Variants in TECPR2 observed in about 807,000 individuals in gnomAD.
TECPR2 encodes the protein tectonin beta-propeller repeat containing 2.
Under a neutral mutation model 138.1 loss-of-function variants are expected in TECPR2, and 65 were observed. That is an observed-to-expected ratio of 0.47 (90% CI 0.39 to 0.58). TECPR2 has a LOEUF of 0.58. Among genes scored for constraint, TECPR2 ranks in the 20% least tolerant of loss-of-function variants. The pLI is 0.00. For synonymous variants in TECPR2, 746 were observed against 749.8 expected, an observed-to-expected ratio of 0.99 and a Z score of 0.08; for missense variants, 1,553 against 1,824.5, an observed-to-expected ratio of 0.85 and a Z score of 2.71.
At chr14:102,388,065 T>C (rs1888062137) in intron 2 of TECPR2, among the ~76,000 whole-genome samples, 2 of 152,212 alleles carry the variant, frequency 1.3e-5, no homozygotes, top group East Asian at 1.9e-4. Context: ...TTTAAAGAGG[T>C]GCAGAAAGGA....
chr14:102,397,259 A>G (rs1031147528), intron 2 of TECPR2, among the ~76,000 whole-genome samples: 4 of 152,158 alleles, frequency 2.6e-5, no homozygotes, highest in African/African-American at 9.7e-5. Flanking sequence ...AAAGGGGAGG[A>G]TCTGATTTTC....
At chr14:102,396,446 G>A (rs1888318004) in intron 2 of TECPR2, among the ~76,000 whole-genome samples, 1 of 152,070 alleles carries the variant, frequency 6.6e-6, no homozygotes, top group Non-Finnish European at 1.5e-5. Flanking sequence ...TGATTGATCA[G>A]CATTTTCGTC....
Position 102,434,711 on chromosome 14 carries a change from C to T in TECPR2, c.1894C>T (p.Pro632Ser), listed in dbSNP as rs1364522385. 6.2e-7 allele frequency: 1 copy of T among 1,613,716 alleles called. No individual in the cohort carries two copies. The highest frequency in any genetic ancestry group is 8.5e-7 in the Non-Finnish European group (1 of 1,179,962). The change falls in exon 9 of 20, where the codon CCC (proline) becomes TCC (serine). Residue 632 changes from proline to serine, a missense_variant. Pro to Ser is a moderately conservative substitution (Grantham distance 74). Transcript: ENST00000359520. The part of the protein sequence containing the change: ...PGAHDGEDIQ[P>S]IGPQSTFCEV... The stretch of plus-strand genomic sequence containing the variant: ...GGCGCATGATGGGGAAGACATCCAA[C>T]CCATTGGCCCCCAAAGCACTTTTTG...
At chr14:102,431,383 C>T (rs1466552690) in intron 7 of TECPR2, among the ~76,000 whole-genome samples, 6 of 121,452 alleles carry the variant, frequency 4.9e-5, no homozygotes, top group African/African-American at 1.6e-4. Flanking sequence ...CACTGTGTTG[C>T]CCAGGCTGGA....
At chr14:102,432,525 C>T (rs1013602597) in intron 8 of TECPR2, among the ~76,000 whole-genome samples, 1 of 152,088 alleles carries the variant, frequency 6.6e-6, no homozygotes, top group African/African-American at 2.4e-5. Flanking sequence ...TCAAGCAATT[C>T]TCCTGCCTCA....
At chr14:102,465,389 C>T in intron 17 of TECPR2, 100 bp downstream of exon 17, 1 of 1,498,576 alleles carries the variant, frequency 6.7e-7, no homozygotes, top group Non-Finnish European at 8.9e-7. Flanking sequence ...CTAGAGGCCT[C>T]CCAGCAAATG....
chr14:102,440,238 T>C (rs1285909685), intron 10 of TECPR2, among the ~76,000 whole-genome samples, 198 bp from the exon 11 acceptor site: 1 of 152,128 alleles, frequency 6.6e-6, no homozygotes, highest in Non-Finnish European at 1.5e-5. Flanking sequence ...GGCGGTGACA[T>C]GGAGCCTGAA....
At chr14:102,484,511 C>G (rs1428020338) in intron 17 of TECPR2, among the ~76,000 whole-genome samples, 1 of 152,194 alleles carries the variant, frequency 6.6e-6, no homozygotes, top group African/African-American at 2.4e-5. Flanking sequence ...CCGCGGGTCT[C>G]TGACAGCAAT....
At chr14:102,399,855 AAAG>A (rs1196619699) in intron 2 of TECPR2, among the ~76,000 whole-genome samples, 1 of 151,900 alleles carries the variant, frequency 6.6e-6, no homozygotes, top group Admixed American at 6.6e-5. Flanking sequence ...GAAAAAAAAA[AAAG>A]AAAAAGAAAT....
In TECPR2 at chr14:102,414,638, G is replaced by GACTTT; in HGVS notation, c.483_484insACTTT (p.Leu162ThrfsTer44). The GACTTT allele has an allele frequency of 6.2e-7, 1 of 1,614,116 alleles. No homozygotes were observed. Among genetic ancestry groups the GACTTT allele is most frequent in the Non-Finnish European group, 8.5e-7 (1 of 1,180,004 alleles). On this transcript the variant is annotated frameshift_variant, in exon 5 of 20. Transcript: ENST00000359520. LOFTEE classifies it high-confidence loss of function. The stretch of plus-strand genomic sequence containing the variant: ...TGTAACCAGACTTTCTCTGCCAGGG[G>GACTTT]CTCTGTAACTCCCAGCTGGTGTTGG...
chr14:102,373,171 A>T (rs1168702374), intron 1 of TECPR2, among the ~76,000 whole-genome samples: 2 of 151,990 alleles, frequency 1.3e-5, no homozygotes, highest in Non-Finnish European at 2.9e-5. Flanking sequence ...AGTAACTATG[A>T]TGCCTACTTC....
rs1201434220 is a variant in TECPR2 at position 102,419,053 on chromosome 14, C to T, written c.638+4260C>T. ...GGTGGCGGGTGTACCTCTCGGGGAG[C>T]TGTGCGCTGGCAGCCACTGGCATGC... is the stretch of plus-strand genomic sequence containing the variant. On this transcript the variant is annotated intron_variant, in intron 5 of 19. Transcript: ENST00000359520. The surrounding 1 kb of genome is among the most constrained non-coding windows in gnomAD (Gnocchi z 4.8). Among the ~76,000 whole-genome samples the T allele has an allele frequency of 1.3e-5, 2 of 152,086 alleles. No homozygotes were observed. Among genetic ancestry groups the T allele is most frequent in the African/African-American group, 4.8e-5 (2 of 41,402 alleles).
At chr14:102,481,250 C>T (rs976164719) in intron 17 of TECPR2, among the ~76,000 whole-genome samples, 11 of 151,076 alleles carry the variant, frequency 7.3e-5, no homozygotes, top group South Asian at 2.1e-4. Flanking sequence ...GTGATCTGCC[C>T]GCCTCGGCCT....
intron 17 of TECPR2, among the ~76,000 whole-genome samples, chr14:102,474,513 A>G (rs1890714968): frequency 2.0e-5 from 3 of 152,080 alleles, no homozygotes; most frequent in Non-Finnish European, 2.9e-5. Flanking sequence ...AATCCCAGCT[A>G]CTCAGGAGGC....
intron 5 of TECPR2, among the ~76,000 whole-genome samples, chr14:102,424,428 A>G (rs1889260961): frequency 6.6e-6 from 1 of 152,136 alleles, no homozygotes; most frequent in Non-Finnish European, 1.5e-5. Flanking sequence ...TCTGCCTCCC[A>G]GGTTCAAGCG....
At chr14:102,496,868 C>T in intron 17 of TECPR2, 111 bp from the exon 18 acceptor site, 1 of 1,508,226 alleles carries the variant, frequency 6.6e-7, no homozygotes, top group Non-Finnish European at 8.9e-7. Flanking sequence ...CTGCGGGGCC[C>T]ACACTGGCTG....
intron 17 of TECPR2, among the ~76,000 whole-genome samples, chr14:102,486,735 C>T (rs888465032): frequency 1.3e-5 from 2 of 152,194 alleles, no homozygotes; most frequent in African/African-American, 2.4e-5. Flanking sequence ...TCATGGTCCC[C>T]GGCTCCTCCA....
rs565236204 is a variant in TECPR2, at chr14:102,428,222, GTTTTTTTTTTTTT to G, written c.952-18_952-6del. On this transcript the variant is annotated splice_polypyrimidine_tract_variant and intron_variant, in intron 6 of 19. Coordinates refer to ENST00000359520, the MANE Select transcript of TECPR2 (RefSeq NM_014844.5). Reference sequence around the variant, plus strand: ...ACCGTTGTTTAGTTTTGTGTTTTTTGTTTTTTTTTTTTTTTTTTTTTTGACAGGCCACAGTTGC... The same window carrying G: ...ACCGTTGTTTAGTTTTGTGTTTTTTGTTTTTTTTTGACAGGCCACAGTTGC... 9.5e-7 allele frequency: 1 copy of G among 1,055,780 alleles called. No homozygotes were observed. Among genetic ancestry groups the G allele is most frequent in the Non-Finnish European group, 1.2e-6 (1 of 835,552 alleles). 65.4% of individuals were successfully genotyped at this position (1,055,780 alleles called of 1,614,324 possible).
rs112639328 is a variant in TECPR2 at position 102,485,104 on chromosome 14, G to A, written c.3790-11875G>A. On this transcript the variant is annotated intron_variant, in intron 17 of 19. Coordinates refer to ENST00000359520, the MANE Select transcript of TECPR2 (RefSeq NM_014844.5). ...CAGGTGACTCTTGCACATACCCAGC[G>A]CTGAGCACCATGGTGCAGCTCATCC... Among the ~76,000 whole-genome samples the A allele has an allele frequency of 6.6e-5, 10 of 152,350 alleles. No homozygotes were observed. The East Asian group carries it at 7.7e-4, about 12-fold the overall frequency.
Sources: allele counts gnomAD v4.1 joint callset (sites outside exome capture counted in the v4.1 genomes callset), GRCh38; gene constraint gnomAD v4.1.1; non-coding constraint Gnocchi (gnomAD v3.1); transcripts MANE v1.5; gene names NCBI Gene and HGNC (gene_info 2026-07-23, HGNC 2026-07-21).